RARB: variants seen among roughly 807,000 people sequenced by gnomAD.
RARB encodes the protein retinoic acid receptor beta.
Under a neutral mutation model 51.9 loss-of-function variants are expected in RARB, and 17 were observed. That is an observed-to-expected ratio of 0.33 (90% CI 0.22 to 0.49). RARB has a LOEUF of 0.49. RARB is among the 20% of genes least tolerant of loss of function. The probability of loss-of-function intolerance (pLI) is 0.99; values close to 1 mark genes in which losing one functional copy is unlikely to be tolerated. For missense variants in RARB, 369 were observed against 550.8 expected (o/e 0.67, Z 3.30); for synonymous variants, 215 against 195.4 (o/e 1.10, Z -0.84).
intron 3 of RARB, among the ~76,000 whole-genome samples, chr3:25,121,398 A>G (rs1038954589): frequency 6.6e-6 from 1 of 152,210 alleles, no homozygotes; most frequent in Non-Finnish European, 1.5e-5. Context: ...AAAGAAAAAA[A>G]ATAGCTTCTT....
At chr3:25,089,561 A>C (rs1208870623) in intron 3 of RARB, among the ~76,000 whole-genome samples, 2 of 152,098 alleles carry the variant, frequency 1.3e-5, no homozygotes, top group Non-Finnish European at 2.9e-5. Context: ...TTAGTAAATT[A>C]ACTGTTCTTA....
chr3:25,029,856 T>C (rs968102401), intron 2 of RARB, among the ~76,000 whole-genome samples: 3 of 152,312 alleles, frequency 2.0e-5, no homozygotes, highest in Non-Finnish European at 2.9e-5. Context: ...AGAAATCCTT[T>C]AGTTGCATTT....
At chr3:24,934,241 A>T (rs1019927869) in intron 2 of RARB, among the ~76,000 whole-genome samples, 1 of 152,082 alleles carries the variant, frequency 6.6e-6, no homozygotes, top group East Asian at 1.9e-4. Flanking sequence ...TGAAAATTCA[A>T]ATGCCATGCT....
chr3:25,588,965 C>G (rs899950615), intron 5 of RARB, among the ~76,000 whole-genome samples: 4 of 152,184 alleles, frequency 2.6e-5, no homozygotes, highest in African/African-American at 9.7e-5. Flanking sequence ...ATCATTAAGT[C>G]CAGGCCACAC....
chr3:25,458,776 A>G (rs2125552075), intron 1 of RARB, among the ~76,000 whole-genome samples: 1 of 152,346 alleles, frequency 6.6e-6, no homozygotes, highest in Admixed American at 6.5e-5. Flanking sequence ...TGAATTATGA[A>G]AATACTATAA....
intron 1 of RARB, among the ~76,000 whole-genome samples, chr3:24,849,112 T>A (rs182733463): frequency 3.0e-4 from 46 of 152,330 alleles, no homozygotes; most frequent in Non-Finnish European, 5.6e-4. Flanking sequence ...ATATATTATG[T>A]TTTTTCCTAT....
intron 2 of RARB, among the ~76,000 whole-genome samples, chr3:25,471,371 C>T (rs975408479): frequency 4.6e-5 from 7 of 152,232 alleles, no homozygotes; most frequent in African/African-American, 1.7e-4. Context: ...AGAGAATCTA[C>T]CTCCATATCG....
At chr3:24,998,267 C>G (rs921697643) in intron 2 of RARB, among the ~76,000 whole-genome samples, 1 of 140,848 alleles carries the variant, frequency 7.1e-6, no homozygotes, top group African/African-American at 2.5e-5. Context: ...GGCCTTTTGA[C>G]TTGTAGTTTG....
chr3:25,346,843 T>C (rs1015537974), intron 5 of RARB, among the ~76,000 whole-genome samples: 7 of 151,994 alleles, frequency 4.6e-5, no homozygotes, highest in Admixed American at 2.0e-4. Flanking sequence ...TGAGGGCCTA[T>C]TGGGGGATCT....
At chr3:25,269,123 G>A (rs1317617741) in intron 5 of RARB, among the ~76,000 whole-genome samples, 2 of 152,138 alleles carry the variant, frequency 1.3e-5, no homozygotes, top group Non-Finnish European at 2.9e-5. Context: ...GCATGGTACA[G>A]TAGAATATAA....
At chr3:25,488,659 C>T (rs1225415502) in intron 2 of RARB, among the ~76,000 whole-genome samples, 1 of 152,126 alleles carries the variant, frequency 6.6e-6, no homozygotes, top group Non-Finnish European at 1.5e-5. Flanking sequence ...CTTTGTGGGC[C>T]AGATGGGAAG....
intron 3 of RARB, among the ~76,000 whole-genome samples, chr3:25,098,918 A>G (rs1245098108): frequency 6.6e-6 from 1 of 152,154 alleles, no homozygotes; most frequent in Admixed American, 6.6e-5. Flanking sequence ...TGTTAAAGAA[A>G]TTTTAAAGAA....
At chr3:25,360,958 G>T (rs11916922) in intron 5 of RARB, among the ~76,000 whole-genome samples, 42,132 of 151,840 alleles carry the variant, frequency 0.28, 6,203 homozygotes, top group Admixed American at 0.37. Context: ...GATGTGTCTT[G>T]GAGTTGCTCT....
At chr3:25,174,416 G>A (rs748638067) in exon 5 of RARB, 22 of 1,351,940 alleles carry the variant, frequency 1.6e-5, no homozygotes, top group African/African-American at 5.9e-5. Flanking sequence ...CAGCGGCCAC[G>A]CATGTCCGGT....
At chr3:25,300,285 A>G (rs190757956) in intron 5 of RARB, among the ~76,000 whole-genome samples, 2 of 152,336 alleles carry the variant, frequency 1.3e-5, no homozygotes, top group Admixed American at 6.5e-5. Context: ...AATGAGTAAG[A>G]TGCTGTAAAA....
intron 4 of RARB, among the ~76,000 whole-genome samples, chr3:25,154,669 C>G (rs76781901): frequency 6.6e-6 from 1 of 152,190 alleles, no homozygotes; most frequent in African/African-American, 2.4e-5. Flanking sequence ...TGTGTAGGGT[C>G]TTCCATCCAG....
intron 2 of RARB, among the ~76,000 whole-genome samples, chr3:25,023,088 A>G (rs62228504): frequency 0.076 from 11,548 of 152,236 alleles, 596 homozygotes; most frequent in Non-Finnish European, 0.11. Flanking sequence ...AGCTACTCTA[A>G]TAGCCCAGAA....
intron 2 of RARB, among the ~76,000 whole-genome samples, chr3:25,004,183 C>T (rs976733406): frequency 6.6e-6 from 1 of 152,094 alleles, no homozygotes; most frequent in African/African-American, 2.4e-5. Flanking sequence ...ATGACCACAT[C>T]ACTGATAGCC....
intron 3 of RARB, among the ~76,000 whole-genome samples, chr3:25,120,526 A>ACTCTCTCTCTCTCT (rs1699765923): frequency 1.9e-5 from 1 of 54,016 alleles, no homozygotes; most frequent in Non-Finnish European, 4.3e-5. Context: ...TATATATAAA[A>ACTCTCTCTCTCTCT]ATCTCTCTCT....
Sources: allele counts gnomAD v4.1 joint callset (sites outside exome capture counted in the v4.1 genomes callset), GRCh38; gene constraint gnomAD v4.1.1; transcripts MANE v1.5; gene names NCBI Gene and HGNC (gene_info 2026-07-23, HGNC 2026-07-21).